Variants in FER1L6 observed in about 807,000 individuals in gnomAD.
FER1L6 encodes fer-1 like family member 6, also known as fer-1-like protein 6.
In FER1L6, 177 loss-of-function variants were observed where a neutral mutation model predicts 219.2. That is an observed-to-expected ratio of 0.81 (90% CI 0.71 to 0.91). FER1L6 has a LOEUF of 0.91. Ranked by LOEUF, FER1L6 falls within the 40% of genes least tolerant of loss-of-function variation. The pLI, the probability that FER1L6 is intolerant of heterozygous loss-of-function variation, is 0.00. For missense variants in FER1L6, 2,153 were observed against 2,259.9 expected, an observed-to-expected ratio of 0.95 and a Z score of 0.96; for synonymous variants, 768 against 824.3, an observed-to-expected ratio of 0.93 and a Z score of 1.17.
At chr8:123,960,304 G>A (rs1054209082) in intron 2 of FER1L6, among the ~76,000 whole-genome samples, 1 of 152,104 alleles carries the variant, frequency 6.6e-6, no homozygotes, top group Non-Finnish European at 1.5e-5. Context: ...CCGAAAGTCT[G>A]GTTGAGAAGC....
At chr8:124,107,012 A>C (rs1320858205) in intron 39 of FER1L6, among the ~76,000 whole-genome samples, 1 of 145,674 alleles carries the variant, frequency 6.9e-6, no homozygotes, top group Non-Finnish European at 1.5e-5. Context: ...GCAGTGGTGC[A>C]ATCTCTGCTC....
At chr8:124,044,013 A>G (rs938243857) in intron 20 of FER1L6, among the ~76,000 whole-genome samples, 18 of 152,234 alleles carry the variant, frequency 1.2e-4, no homozygotes, top group African/African-American at 3.9e-4. Flanking sequence ...ATATTTATAT[A>G]ATGAATGAGT....
chr8:124,118,287 T>A (rs1414262427), intron 39 of FER1L6, among the ~76,000 whole-genome samples: 1 of 152,116 alleles, frequency 6.6e-6, no homozygotes, highest in Non-Finnish European at 1.5e-5. Context: ...TTACTCACAA[T>A]TTTCAAATAA....
At chr8:124,002,565 A>G (rs1332920009) in intron 12 of FER1L6, among the ~76,000 whole-genome samples, 10 of 152,212 alleles carry the variant, frequency 6.6e-5, no homozygotes, top group African/African-American at 2.4e-4. Flanking sequence ...GATCAATGAC[A>G]CCAGTATGCC....
At chr8:124,079,251 A>G (rs1364341110) in intron 32 of FER1L6, among the ~76,000 whole-genome samples, 1 of 152,188 alleles carries the variant, frequency 6.6e-6, no homozygotes, top group Non-Finnish European at 1.5e-5. Flanking sequence ...ACTTCCAAAT[A>G]TGGTCAGATT....
At chr8:124,098,958 G>C (rs1042966863) in intron 37 of FER1L6, among the ~76,000 whole-genome samples, 29 of 152,216 alleles carry the variant, frequency 1.9e-4, no homozygotes, top group African/African-American at 6.7e-4. Flanking sequence ...AGTCCTTATT[G>C]CATTTGTCTG....
intron 1 of FER1L6, among the ~76,000 whole-genome samples, chr8:123,950,079 T>A (rs1192435092): frequency 6.6e-6 from 1 of 152,162 alleles, no homozygotes; most frequent in Non-Finnish European, 1.5e-5. Context: ...ATTAAGAAGA[T>A]GGAATAGGAA....
chr8:123,916,181 G>T (rs925115944), intron 1 of FER1L6, among the ~76,000 whole-genome samples: 1 of 152,140 alleles, frequency 6.6e-6, no homozygotes, highest in African/African-American at 2.4e-5. Flanking sequence ...TTCTCAAAGC[G>T]CTCCTGTCTT....
intron 35 of FER1L6, among the ~76,000 whole-genome samples, chr8:124,095,797 A>C (rs942823957): frequency 2.0e-5 from 3 of 152,230 alleles, no homozygotes; most frequent in South Asian, 2.1e-4. Context: ...TCCTTAATGC[A>C]GCCTCATGAT....
At chr8:123,977,638 A>G (rs1328838818) in intron 10 of FER1L6, 29 bp downstream of exon 10, 3 of 1,604,652 alleles carry the variant, frequency 1.9e-6, no homozygotes. Context: ...GACTTGAAAA[A>G]TGTCTCAAAA....
At chr8:124,021,855 A>AT (rs11370425) in intron 17 of FER1L6, among the ~76,000 whole-genome samples, 186 bp downstream of exon 17, 87,474 of 151,444 alleles carry the variant, frequency 0.58, 25,642 homozygotes, top group African/African-American at 0.64. Context: ...AGCTTTATTC[A>AT]TTTTTTTTTC....
intron 5 of FER1L6, among the ~76,000 whole-genome samples, chr8:123,969,640 G>A (rs1815705413): frequency 6.6e-6 from 1 of 152,018 alleles, no homozygotes; most frequent in East Asian, 1.9e-4. Context: ...GAATGTGATT[G>A]ATAGCATTGT....
rs773455289 is a variant in FER1L6 at position 123,966,074 on chromosome 8, C to G, written c.252+13C>G. ...CCAAAATTATCAAGTAAGTGATTGGCTCTTCCTGCCCAGCCTCCCCCAGTG... is the reference window on the plus strand; with the variant it reads ...CCAAAATTATCAAGTAAGTGATTGGGTCTTCCTGCCCAGCCTCCCCCAGTG... On this transcript the variant is annotated intron_variant, in intron 4 of 40. Transcript: ENST00000522917. 6.2e-7 allele frequency: 1 copy of G among 1,613,524 alleles called. No individual in the cohort carries two copies. Among genetic ancestry groups the G allele is most frequent in the South Asian group, 1.1e-5 (1 of 90,982 alleles).
intron 33 of FER1L6, among the ~76,000 whole-genome samples, chr8:124,085,406 GTGT>G (rs1821738489): frequency 3.8e-5 from 2 of 52,554 alleles, no homozygotes; most frequent in African/African-American, 9.7e-5. Context: ...TGTCCCATAA[GTGT>G]TGTTGGTATG....
intron 1 of FER1L6, among the ~76,000 whole-genome samples, chr8:123,935,931 T>G (rs1207257498): frequency 6.9e-6 from 1 of 143,928 alleles, no homozygotes; most frequent in African/African-American, 2.6e-5. Flanking sequence ...TTTAAAATCC[T>G]GCGAACTGGC....
At chr8:123,969,590 A>G (rs1015075946) in intron 5 of FER1L6, among the ~76,000 whole-genome samples, 1 of 152,170 alleles carries the variant, frequency 6.6e-6, no homozygotes, top group African/African-American at 2.4e-5. Context: ...TCCATTTCTC[A>G]TGTTCATTTT....
chr8:124,091,612 G>T, intron 34 of FER1L6, 29 bp downstream of exon 34: 1 of 1,599,498 alleles, frequency 6.3e-7, no homozygotes, highest in East Asian at 2.2e-5. Context: ...TCCTGCTGGT[G>T]TTGCTCTTCT....
chr8:124,043,220 A>G (rs1819580666), intron 20 of FER1L6, among the ~76,000 whole-genome samples: 1 of 152,210 alleles, frequency 6.6e-6, no homozygotes. Context: ...CAAGCACTTA[A>G]TATTCTTGGA....
intron 1 of FER1L6, among the ~76,000 whole-genome samples, chr8:123,857,321 G>T (rs1231055571): frequency 6.6e-6 from 1 of 152,122 alleles, no homozygotes; most frequent in African/African-American, 2.4e-5. Flanking sequence ...ACCAGCATGG[G>T]TGACAGAGAC....
Sources: gnomAD v4.1 joint callset for allele counts (sites outside exome capture counted in the v4.1 genomes callset) on GRCh38, gnomAD v4.1.1 for gene constraint, MANE v1.5 for transcripts, NCBI Gene and HGNC (gene_info 2026-07-23, HGNC 2026-07-21) for gene names.